Variants in KIF18A observed in about 807,000 individuals in gnomAD.
The protein encoded by KIF18A is kinesin-like protein KIF18A.
Under a neutral mutation model 103.3 loss-of-function variants are expected in KIF18A, and 67 were observed. The ratio of observed to expected loss-of-function variants is 0.65; its 90% CI spans 0.53 to 0.79. The LOEUF is 0.79. KIF18A is among the 30% of genes least tolerant of loss of function. The probability of loss-of-function intolerance (pLI) is 0.00; values close to 1 mark genes in which losing one functional copy is unlikely to be tolerated. For missense variants in KIF18A, 1,032 were observed against 1,062.5 expected (o/e 0.97, Z 0.40); for synonymous variants, 367 against 355.5 (o/e 1.03, Z -0.36).
chr11:28,104,951 G>T (rs1371049571), intron 1 of KIF18A, among the ~76,000 whole-genome samples: 3 of 152,028 alleles, frequency 2.0e-5, no homozygotes, highest in Non-Finnish European at 4.4e-5. Flanking sequence ...TGAGAGACAG[G>T]TTTATTTTCC....
At chr11:28,079,339 T>TAACAAC (rs10650126) in intron 9 of KIF18A, among the ~76,000 whole-genome samples, 1 of 151,910 alleles carries the variant, frequency 6.6e-6, no homozygotes, top group Non-Finnish European at 1.5e-5. Flanking sequence ...CAAAATGAAA[T>TAACAAC]AACAACAACT....
At chr11:28,035,061 T>C (rs1850466074) in intron 15 of KIF18A, among the ~76,000 whole-genome samples, 1 of 151,694 alleles carries the variant, frequency 6.6e-6, no homozygotes, top group African/African-American at 2.4e-5. Flanking sequence ...TTAAAAAGGA[T>C]AATGAAGTAA....
At chr11:28,089,605 T>G (rs1292157325) in intron 5 of KIF18A, among the ~76,000 whole-genome samples, 1 of 152,190 alleles carries the variant, frequency 6.6e-6, no homozygotes, top group Non-Finnish European at 1.5e-5. Context: ...GAATAGGAAC[T>G]TTTCAGCTCT....
intron 9 of KIF18A, 54 bp from the exon 10 acceptor site, chr11:28,077,223 C>A: frequency 7.7e-7 from 1 of 1,305,540 alleles, no homozygotes; most frequent in Non-Finnish European, 1.0e-6. Flanking sequence ...GCAAATCATA[C>A]AAAGTTTACT....
At position 28,036,679 on chromosome 11, in the gene KIF18A, A is replaced by T. The variant is rs1299506353; in HGVS notation, c.1949-15T>A. The T allele has an allele frequency of 1.4e-6, 2 of 1,474,310 alleles. No homozygotes were observed. Among genetic ancestry groups the T allele is most frequent in the East Asian group, 4.6e-5 (2 of 43,678 alleles). 91.3% of individuals were successfully genotyped at this position (1,474,310 alleles called of 1,614,324 possible). A position where few individuals can be genotyped will look rare whatever the true frequency, so the allele number is the denominator to read the frequency against. ...TGAAGATGAGCCTATTCAAAAAAATAAAAAAAGACACTCGATAATGTTTCC... is the reference window on the plus strand; with the variant it reads ...TGAAGATGAGCCTATTCAAAAAAATTAAAAAAGACACTCGATAATGTTTCC... On this transcript the variant is annotated splice_polypyrimidine_tract_variant and intron_variant, in intron 13 of 16. Transcript: ENST00000263181.
At chr11:28,065,836 T>C (rs1850913140) in intron 11 of KIF18A, among the ~76,000 whole-genome samples, 1 of 152,064 alleles carries the variant, frequency 6.6e-6, no homozygotes, top group Non-Finnish European at 1.5e-5. Context: ...AGTTAGGATC[T>C]TGAGAGGTGA....
chr11:28,035,153 ATTT>A (rs1488347021), intron 15 of KIF18A, among the ~76,000 whole-genome samples: 1 of 151,596 alleles, frequency 6.6e-6, no homozygotes, highest in African/African-American at 2.4e-5. Flanking sequence ...TTTTCAATTT[ATTT>A]TTAAGTCTGT....
intron 2 of KIF18A, among the ~76,000 whole-genome samples, chr11:28,097,059 G>A (rs1851385487): frequency 6.6e-6 from 1 of 152,056 alleles, no homozygotes; most frequent in Non-Finnish European, 1.5e-5. Context: ...GTGCAGGTTT[G>A]TTACATGGGT....
At chr11:28,058,244 T>C (rs1850807252) in intron 13 of KIF18A, among the ~76,000 whole-genome samples, 1 of 152,074 alleles carries the variant, frequency 6.6e-6, no homozygotes, top group South Asian at 2.1e-4. Flanking sequence ...ACACTGTTAG[T>C]TGATCTTAAG....
chr11:28,087,355 G>A (rs866791333), intron 6 of KIF18A, among the ~76,000 whole-genome samples: 1 of 152,150 alleles, frequency 6.6e-6, no homozygotes, highest in African/African-American at 2.4e-5. Context: ...TTCTGTTCCT[G>A]TGTTAGTTTG....
chr11:28,054,218 T>A, intron 13 of KIF18A, among the ~76,000 whole-genome samples: 1 of 152,066 alleles, frequency 6.6e-6, no homozygotes, highest in Non-Finnish European at 1.5e-5. Flanking sequence ...TCAGATTTTT[T>A]TTTTTTTTTT....
At chr11:28,056,674 A>G (rs1485249403) in intron 13 of KIF18A, 4 of 160,202 alleles carry the variant, frequency 2.5e-5, no homozygotes, top group Non-Finnish European at 5.9e-5. Flanking sequence ...ATTACAAGCC[A>G]AAGACTGAGG....
chr11:28,042,927 G>A (rs1395118061), intron 13 of KIF18A, among the ~76,000 whole-genome samples: 1 of 151,802 alleles, frequency 6.6e-6, no homozygotes, highest in African/African-American at 2.4e-5. Context: ...GGGAAGGCAT[G>A]GAGGAGAATG....
intron 12 of KIF18A, among the ~76,000 whole-genome samples, chr11:28,061,124 C>G (rs1044211160): frequency 6.6e-6 from 1 of 152,156 alleles, no homozygotes; most frequent in African/African-American, 2.4e-5. Flanking sequence ...TCCTAGGCAC[C>G]TATAACACAG....
chr11:28,036,759 G>A, intron 13 of KIF18A, 95 bp from the exon 14 acceptor site: 3 of 652,932 alleles, frequency 4.6e-6, no homozygotes, highest in Non-Finnish European at 7.1e-6. Flanking sequence ...TAATAATAAG[G>A]TATTTTTATG....
intron 13 of KIF18A, among the ~76,000 whole-genome samples, chr11:28,058,017 A>T (rs1850804252): frequency 6.6e-6 from 1 of 152,226 alleles, no homozygotes; most frequent in Non-Finnish European, 1.5e-5. Flanking sequence ...TACTGCAAAG[A>T]TAAATATTTA....
At chr11:28,024,439 T>C (rs1453062088) in intron 15 of KIF18A, among the ~76,000 whole-genome samples, 1 of 152,104 alleles carries the variant, frequency 6.6e-6, no homozygotes, top group Non-Finnish European at 1.5e-5. Flanking sequence ...TTACTCAATT[T>C]GAGTTGCCAT....
At chr11:28,088,463 GTATC>G in intron 6 of KIF18A, 57 bp downstream of exon 6, 1 of 1,344,516 alleles carries the variant, frequency 7.4e-7, no homozygotes, top group Non-Finnish European at 1.0e-6. Context: ...ATATTAAATA[GTATC>G]TTTCTTATCT....
chr11:28,068,322 C>T (rs1171700874), intron 11 of KIF18A, among the ~76,000 whole-genome samples: 1 of 151,640 alleles, frequency 6.6e-6, no homozygotes, highest in African/African-American at 2.4e-5. Context: ...CTAATGCATG[C>T]CGGGCTTAAA....
Sources: gnomAD v4.1 joint callset for allele counts (sites outside exome capture counted in the v4.1 genomes callset) on GRCh38, gnomAD v4.1.1 for gene constraint, MANE v1.5 for transcripts, NCBI Gene and HGNC (gene_info 2026-07-23, HGNC 2026-07-21) for gene names.